Variants in CDC42SE2 observed in about 807,000 individuals in gnomAD.
The protein encoded by CDC42SE2 is CDC42 small effector 2.
CDC42SE2 carries 3 observed loss-of-function variants against 11.5 expected under a neutral mutation model. The ratio of observed to expected loss-of-function variants is 0.26; its 90% confidence interval spans 0.12 to 0.67. The LOEUF (loss-of-function observed/expected upper bound fraction) is 0.67, where lower values mean the gene tolerates loss of function less well. CDC42SE2 is among the 30% of genes least tolerant of loss of function. The pLI is 0.80. For synonymous variants in CDC42SE2, 33 were observed against 34.8 expected, an observed-to-expected ratio of 0.95 and a Z score of 0.18; for missense variants, 82 against 106.8, an observed-to-expected ratio of 0.77 and a Z score of 1.02.
chr5:131,234,199 C>T, the CDC42SE2 span, among the ~76,000 whole-genome samples: 1 of 152,196 alleles, frequency 6.6e-6, no homozygotes, highest in South Asian at 2.1e-4. Flanking sequence ...TATATCCTTG[C>T]CAATGATTAG....
chr5:131,325,170 T>G (rs1278503837), intron 2 of CDC42SE2, among the ~76,000 whole-genome samples: 1 of 152,168 alleles, frequency 6.6e-6, no homozygotes, highest in Non-Finnish European at 1.5e-5. Context: ...TATTTTGCTT[T>G]CTTTTGGACT....
At chr5:131,372,109 T>C (rs780996085) in intron 3 of CDC42SE2, among the ~76,000 whole-genome samples, 5 of 152,216 alleles carry the variant, frequency 3.3e-5, no homozygotes, top group Admixed American at 6.5e-5. Flanking sequence ...CAAATACTTA[T>C]GCATGTACCT....
At chr5:131,334,865 T>C (rs1054693487) in intron 2 of CDC42SE2, among the ~76,000 whole-genome samples, 10 of 152,208 alleles carry the variant, frequency 6.6e-5, no homozygotes, top group African/African-American at 1.4e-4. Flanking sequence ...TTTTCTTCTT[T>C]ATTAGTCTTG....
chr5:131,213,423 TA>T, the CDC42SE2 span, among the ~76,000 whole-genome samples: 2 of 152,080 alleles, frequency 1.3e-5, no homozygotes, highest in African/African-American at 4.8e-5. Context: ...AGATACCAAT[TA>T]TTTTTTTCTT....
intron 1 of CDC42SE2, among the ~76,000 whole-genome samples, chr5:131,274,530 GT>G (rs1757061772): frequency 6.6e-6 from 1 of 152,168 alleles, no homozygotes; most frequent in Admixed American, 6.5e-5. Flanking sequence ...TGCTTCTGCT[GT>G]TTTCTGTTCT....
chr5:131,262,317 C>G (rs1756748784), upstream of CDC42SE2, among the ~76,000 whole-genome samples: 2 of 151,988 alleles, frequency 1.3e-5, no homozygotes, highest in African/African-American at 2.4e-5. Context: ...ATGGTCATCA[C>G]TGTACTCACA....
the CDC42SE2 span, among the ~76,000 whole-genome samples, chr5:131,215,998 T>A: frequency 4.6e-5 from 7 of 152,184 alleles, no homozygotes; most frequent in Admixed American, 6.5e-5. Context: ...ATTTATAAAT[T>A]CGCTTTTCTG....
At chr5:131,348,706 A>G (rs959331346) in intron 2 of CDC42SE2, among the ~76,000 whole-genome samples, 2 of 152,314 alleles carry the variant, frequency 1.3e-5, no homozygotes, top group Middle Eastern at 3.4e-3. Flanking sequence ...CCAAAAGAAC[A>G]AAGGTGGAGG....
chr5:131,385,462 A>T, intron 3 of CDC42SE2, 81 bp from the exon 4 acceptor site: 2 of 945,080 alleles, frequency 2.1e-6, no homozygotes, highest in Non-Finnish European at 3.2e-6. Context: ...CAAATTTATT[A>T]AACAGTCATA....
chr5:131,385,404 A>G, intron 3 of CDC42SE2, 139 bp from the exon 4 acceptor site: 1 of 553,722 alleles, frequency 1.8e-6, no homozygotes, highest in Non-Finnish European at 3.2e-6. Flanking sequence ...ATTTCATCAT[A>G]AGAAGTAATT....
At chr5:131,241,709 A>G (rs1407534000), upstream of CDC42SE2, among the ~76,000 whole-genome samples, 1 of 151,338 alleles carries the variant, frequency 6.6e-6, no homozygotes, top group Non-Finnish European at 1.5e-5. Context: ...TTTATCTTCA[A>G]TCTCTTCATA....
At chr5:131,278,731 CCCCTCCCCT>C (rs1757162699) in intron 1 of CDC42SE2, among the ~76,000 whole-genome samples, 3 of 5,052 alleles carry the variant, frequency 5.9e-4, no homozygotes, top group African/African-American at 1.4e-3. Flanking sequence ...CCTCCCCCCT[CCCCTCCCCT>C]CCCCCTCCCC....
At chr5:131,365,798 T>A (rs1003284176) in intron 3 of CDC42SE2, among the ~76,000 whole-genome samples, 3 of 152,110 alleles carry the variant, frequency 2.0e-5, no homozygotes, top group Non-Finnish European at 4.4e-5. Context: ...CTGGCTAATG[T>A]GGTGAAACCC....
At chr5:131,293,905 G>A (rs140689819) in intron 1 of CDC42SE2, among the ~76,000 whole-genome samples, 26 of 152,254 alleles carry the variant, frequency 1.7e-4, no homozygotes, top group Middle Eastern at 3.4e-3. Flanking sequence ...CTTACTGCGT[G>A]TCTTAACTCC....
chr5:131,309,889 A>G (rs1320786738), intron 1 of CDC42SE2, among the ~76,000 whole-genome samples: 1 of 151,572 alleles, frequency 6.6e-6, no homozygotes, highest in African/African-American at 2.4e-5. Flanking sequence ...GATCCTTTCA[A>G]AAAACCAGCT....
chr5:131,362,788 T>C (rs533551976), intron 3 of CDC42SE2, among the ~76,000 whole-genome samples: 2 of 152,326 alleles, frequency 1.3e-5, no homozygotes, highest in East Asian at 3.9e-4. Context: ...TTGCTGTTGC[T>C]AGATATAGCT....
chr5:131,328,741 G>A (rs1051936184), intron 2 of CDC42SE2, among the ~76,000 whole-genome samples: 3 of 152,072 alleles, frequency 2.0e-5, no homozygotes, highest in Non-Finnish European at 2.9e-5. Context: ...TGTCCCTTGC[G>A]GGGTATTAGT....
At chr5:131,214,453 G>A in the CDC42SE2 span, among the ~76,000 whole-genome samples, 1 of 152,104 alleles carries the variant, frequency 6.6e-6, no homozygotes, top group East Asian at 1.9e-4. Context: ...GTACTTTGAG[G>A]GATGTTAGGC....
At chr5:131,252,799 C>T (rs891469826) in intron 1 of CDC42SE2, among the ~76,000 whole-genome samples, 10 of 152,198 alleles carry the variant, frequency 6.6e-5, no homozygotes, top group Admixed American at 4.6e-4. Flanking sequence ...TCATATCTTC[C>T]TGATTTTATA....
Sources: allele counts gnomAD v4.1 joint callset (sites outside exome capture counted in the v4.1 genomes callset), GRCh38; gene constraint gnomAD v4.1.1; transcripts MANE v1.5; gene names NCBI Gene and HGNC (gene_info 2026-07-23, HGNC 2026-07-21).